Variants in SULF2 observed in about 807,000 individuals in gnomAD.
The protein encoded by SULF2 is sulfatase 2, also known as extracellular sulfatase Sulf-2.
SULF2 carries 52 observed loss-of-function variants against 107.7 expected under a neutral mutation model. The ratio of observed to expected loss-of-function variants is 0.48; its 90% CI spans 0.39 to 0.61. The LOEUF (loss-of-function observed/expected upper bound fraction) is 0.61, where lower values mean the gene tolerates loss of function less well. Ranked by LOEUF, SULF2 falls within the 20% of genes least tolerant of loss-of-function variation. The pLI is 0.00. For synonymous variants in SULF2, 460 were observed against 464.3 expected (o/e 0.99, Z 0.12); for missense variants, 993 against 1,177.3 (o/e 0.84, Z 2.29).
intron 3 of SULF2, among the ~76,000 whole-genome samples, chr20:47,718,907 T>C (rs1464232036): frequency 6.6e-6 from 1 of 152,210 alleles, no homozygotes; most frequent in Non-Finnish European, 1.5e-5. Flanking sequence ...AGATGGCACT[T>C]AATGCCATGG....
At chr20:47,781,396 T>G (rs1216291691) in intron 1 of SULF2, among the ~76,000 whole-genome samples, 2 of 152,232 alleles carry the variant, frequency 1.3e-5, no homozygotes, top group Admixed American at 6.5e-5. Context: ...GCAGTCAGCC[T>G]CCATCCAGCT....
At chr20:47,775,517 C>T (rs893471053) in intron 1 of SULF2, among the ~76,000 whole-genome samples, 1 of 152,338 alleles carries the variant, frequency 6.6e-6, no homozygotes, top group Non-Finnish European at 1.5e-5. Context: ...ACAGCAGAAA[C>T]ACAACCCAAG....
At position 47,663,429 on chromosome 20, in the gene SULF2, C is replaced by T. The variant is rs752780581; in HGVS notation, c.2227+24G>A. ...TTGAACCCCTGGGCCTCAGCCTGTC[C>T]ACCCCTGCCCTGGGCTTGCTCACGT... On this transcript the variant is annotated intron_variant, in intron 16 of 20. Coordinates refer to ENST00000688720, the MANE Select transcript of SULF2 (RefSeq NM_001387048.1). 4 of 1,604,964 alleles carry T rather than the reference C, an allele frequency of 2.5e-6. 1 individual carries two copies. In the South Asian group the frequency reaches 4.4e-5, roughly 18 times the overall value.
At chr20:47,711,734 TTTTGG>T (rs2088935226) in intron 3 of SULF2, among the ~76,000 whole-genome samples, 1 of 152,268 alleles carries the variant, frequency 6.6e-6, no homozygotes, top group Non-Finnish European at 1.5e-5. Flanking sequence ...TGTCCTCATA[TTTTGG>T]AACCAGCACA....
Position 47,684,484 on chromosome 20 carries a change from G to A in SULF2, c.835C>T (p.Leu279Phe). 1 of 1,614,098 alleles carries A rather than the reference G, an allele frequency of 6.2e-7. No homozygotes were observed. The highest frequency in any genetic ancestry group is 1.1e-5 in the South Asian group (1 of 91,064). Reference protein sequence around the residue: ...KPIHMEFTNMLQRKRLQTLMS... With the variant: ...KPIHMEFTNMFQRKRLQTLMS... ...AGGGTCTGCAAGCGCTTCCGCTGGAGCATGTTGGTGAATTCCATGTGGATG... is the reference window on the plus strand; with the variant it reads ...AGGGTCTGCAAGCGCTTCCGCTGGAACATGTTGGTGAATTCCATGTGGATG... The change falls in exon 6 of 21, where the codon CTC becomes TTC. Residue 279 changes from leucine to phenylalanine, a missense_variant. Coordinates refer to ENST00000688720, the MANE Select transcript of SULF2 (RefSeq NM_001387048.1).
chr20:47,665,566 C>A (rs1298810972), intron 13 of SULF2, among the ~76,000 whole-genome samples: 6 of 152,246 alleles, frequency 3.9e-5, no homozygotes, highest in African/African-American at 1.4e-4. Flanking sequence ...CCACTGAGGC[C>A]TCCAGTGTCT....
At chr20:47,775,778 AGAT>A (rs1320173383) in intron 1 of SULF2, among the ~76,000 whole-genome samples, 40 of 152,354 alleles carry the variant, frequency 2.6e-4, no homozygotes, top group African/African-American at 8.9e-4. Context: ...GATAAAGTGA[AGAT>A]GATATTAGTC....
At chr20:47,690,359 C>T (rs754416055) in intron 4 of SULF2, 64 bp from the exon 5 acceptor site, 155 of 1,294,726 alleles carry the variant, frequency 1.2e-4, no homozygotes, top group Middle Eastern at 8.9e-4. Flanking sequence ...GTGTCCACTA[C>T]GTGCCAGGCA....
At chr20:47,720,399 G>A (rs2089253066) in intron 3 of SULF2, among the ~76,000 whole-genome samples, 1 of 151,974 alleles carries the variant, frequency 6.6e-6, no homozygotes, top group Admixed American at 6.6e-5. Flanking sequence ...GGGAGTACAG[G>A]TGCACACCAC....
chr20:47,752,540 G>A (rs1460887019), intron 2 of SULF2, among the ~76,000 whole-genome samples: 1 of 147,398 alleles, frequency 6.8e-6, no homozygotes, highest in Admixed American at 6.8e-5. Flanking sequence ...CAACCAGCCT[G>A]AGCAACATGG....
intron 10 of SULF2, among the ~76,000 whole-genome samples, chr20:47,673,353 C>A (rs912991354): frequency 6.6e-6 from 1 of 152,194 alleles, no homozygotes; most frequent in Non-Finnish European, 1.5e-5. Flanking sequence ...CTACACCTCA[C>A]GCTACCCTAC....
chr20:47,667,871 C>T lies in SULF2; in HGVS notation c.1577-1383G>A, dbSNP rs574050414. The stretch of plus-strand genomic sequence containing the variant: ...GAAAGGGCTCCCTTCTCACGTGGCC[C>T]GGGTGCCACCCCCACTCTTGGGGGA... On this transcript the variant is annotated intron_variant, in intron 11 of 20. Transcript: ENST00000688720. Among the ~76,000 whole-genome samples the T allele has an allele frequency of 9.2e-5, 14 of 152,234 alleles. No individual in the cohort carries two copies. In the East Asian group the frequency reaches 9.7e-4, roughly 11 times the overall value.
intron 2 of SULF2, among the ~76,000 whole-genome samples, chr20:47,752,565 TAAAAA>T (rs11319849): frequency 3.8e-5 from 5 of 132,130 alleles, no homozygotes; most frequent in Non-Finnish European, 6.4e-5. Context: ...AGCCCATCTC[TAAAAA>T]AAAAAAAAAA....
chr20:47,688,441 A>G (rs1235110279), intron 5 of SULF2, among the ~76,000 whole-genome samples: 1 of 152,188 alleles, frequency 6.6e-6, no homozygotes, highest in African/African-American at 2.4e-5. Context: ...AATGCCAAAC[A>G]ATTTCATCAT....
At chr20:47,735,030 A>C (rs917071641) in intron 3 of SULF2, among the ~76,000 whole-genome samples, 27 of 152,140 alleles carry the variant, frequency 1.8e-4, no homozygotes, top group Non-Finnish European at 5.9e-5. Flanking sequence ...AGAATATATG[A>C]GTTTCCTTTC....
At chr20:47,773,617 C>T (rs1336757411) in intron 1 of SULF2, among the ~76,000 whole-genome samples, 1 of 152,246 alleles carries the variant, frequency 6.6e-6, no homozygotes, top group Non-Finnish European at 1.5e-5. Context: ...GAAATTCCCA[C>T]CTCTGTTCTT....
rs80249984 is a variant in SULF2, at chr20:47,664,468, C to T, written c.1998-279G>A. Among the ~76,000 whole-genome samples, 36 of 152,314 alleles carry T rather than the reference C, an allele frequency of 2.4e-4. No individual in the cohort carries two copies. The East Asian group carries it at 3.9e-3, about 16-fold the overall frequency. The stretch of plus-strand genomic sequence containing the variant: ...AATTTAGCCACGACTAGAAGCTGGG[C>T]CTGGCTTTAGGTGCATCAGCCTCAG... On this transcript the variant is annotated intron_variant, in intron 14 of 20. Coordinates refer to ENST00000688720, the MANE Select transcript of SULF2 (RefSeq NM_001387048.1).
At chr20:47,707,278 C>T (rs576027319) in intron 3 of SULF2, among the ~76,000 whole-genome samples, 1 of 152,232 alleles carries the variant, frequency 6.6e-6, no homozygotes, top group South Asian at 2.1e-4. Flanking sequence ...TGTGAGCCAC[C>T]CTGTCCGGCA....
intron 2 of SULF2, among the ~76,000 whole-genome samples, chr20:47,745,450 TATATATACAC>T (rs1295008074): frequency 0.12 from 1,983 of 15,958 alleles, 186 homozygotes; most frequent in South Asian, 0.2. Flanking sequence ...TATATATATA[TATATATACAC>T]ATACACACAC....
Sources: gnomAD v4.1 joint callset for allele counts (sites outside exome capture counted in the v4.1 genomes callset) on GRCh38, gnomAD v4.1.1 for gene constraint, MANE v1.5 for transcripts, NCBI Gene and HGNC (gene_info 2026-07-23, HGNC 2026-07-21) for gene names.